TBL1XR1: variants seen among roughly 807,000 people sequenced by gnomAD.
TBL1XR1 encodes TBL1X/Y related 1, also known as F-box-like/WD repeat-containing protein TBL1XR1.
TBL1XR1 carries 5 observed loss-of-function variants against 66.9 expected under a neutral mutation model. The observed-to-expected ratio is 0.07, with a 90% CI of 0.04 to 0.16. The LOEUF is 0.16. Ranked by LOEUF, TBL1XR1 falls within the 10% of genes least tolerant of loss-of-function variation. The pLI, the probability that TBL1XR1 is intolerant of heterozygous loss-of-function variation, is 1.00. For synonymous variants in TBL1XR1, 210 were observed against 206.0 expected (o/e 1.02, Z -0.17); for missense variants, 238 against 623.2 (o/e 0.38, Z 6.58).
At chr3:177,163,657 T>G (rs7613164) in intron 1 of TBL1XR1, among the ~76,000 whole-genome samples, 75,749 of 151,990 alleles carry the variant, frequency 0.5, 19,709 homozygotes, top group Non-Finnish European at 0.57. Flanking sequence ...TACACTTAAT[T>G]ACTTTTATAT....
At chr3:177,163,894 G>C (rs1369495151) in intron 1 of TBL1XR1, 1 of 152,086 alleles carries the variant, frequency 6.6e-6, no homozygotes. Flanking sequence ...TGTATCAATA[G>C]TTTAGATTTA....
chr3:177,085,166 C>A (rs1248330313), intron 2 of TBL1XR1, among the ~76,000 whole-genome samples: 1 of 152,172 alleles, frequency 6.6e-6, no homozygotes, highest in Non-Finnish European at 1.5e-5. Context: ...TTCCTATGAA[C>A]CAACACAAGT....
chr3:177,033,117 C>A lies in TBL1XR1; in HGVS notation c.1270G>T (p.Val424Phe). Residue 424 changes from valine to phenylalanine, a missense_variant, in exon 14 of 16, where the codon GTT (valine) becomes TTT (phenylalanine). Val to Phe is a conservative substitution (Grantham distance 50). This residue lies in a region of TBL1XR1 where 89 missense variants were observed against 220.2 expected (regional missense o/e 0.40). Coordinates refer to ENST00000457928, the MANE Select transcript of TBL1XR1 (RefSeq NM_024665.7). The stretch of plus-strand genomic sequence containing the variant: ...CCTCGGTCTACATCCCATAACCTAA[C>A]AGTAGAATCAAAGGATGCACTGAAA... ...MLASASFDST[V>F]RLWDVDRGIC... The A allele has an allele frequency of 6.4e-7, 1 of 1,555,310 alleles. No homozygotes were observed. The highest frequency in any genetic ancestry group is 8.7e-7 in the Non-Finnish European group (1 of 1,149,684).
At chr3:177,127,065 A>G (rs1290382377) in intron 1 of TBL1XR1, among the ~76,000 whole-genome samples, 1 of 152,200 alleles carries the variant, frequency 6.6e-6, no homozygotes, top group Non-Finnish European at 1.5e-5. Context: ...ATTGTTTTAA[A>G]GAGTAATCTG....
At chr3:177,050,202 AT>A in intron 6 of TBL1XR1, 64 bp from the exon 7 acceptor site, 1 of 1,541,384 alleles carries the variant, frequency 6.5e-7, no homozygotes. Flanking sequence ...ACAAGGCAAC[AT>A]ATTTACATCT....
At position 177,061,995 on chromosome 3, in the gene TBL1XR1, C is replaced by A. The variant is rs558638961; in HGVS notation, c.58+2925G>T. Among the ~76,000 whole-genome samples, 8 of 152,332 alleles carry A rather than the reference C, an allele frequency of 5.3e-5. No individual in the cohort carries two copies. In the South Asian group the frequency reaches 1.7e-3, roughly 32 times the overall value. On this transcript the variant is annotated intron_variant, in intron 3 of 15. Transcript: ENST00000457928. ...TTATGAGTGAGATTCTGAGTTCTAT[C>A]TGAACCCTGTCCTGAGTTCACAGAA...
chr3:177,024,031 AATATCT>A lies in TBL1XR1; in HGVS notation c.*1461_*1466del, dbSNP rs1240911556. The A allele has an allele frequency of 2.0e-5, 3 of 151,994 alleles. No homozygotes were observed. The highest frequency in any genetic ancestry group is 2.9e-5 in the Non-Finnish European group (2 of 67,914). The allele number at this position is 151,994 out of a possible 1,614,324, so 9.4% of individuals were successfully genotyped here. A position where few individuals can be genotyped will look rare whatever the true frequency, so the allele number is the denominator to read the frequency against. On this transcript the variant is annotated 3_prime_UTR_variant, in exon 16 of 16. Coordinates refer to ENST00000457928, the MANE Select transcript of TBL1XR1 (RefSeq NM_024665.7). ...TCTAAGTTGCATGAGCACAAGGTTT[AATATCT>A]ATATCTTTAAGAAAATACTTGATAT...
upstream of TBL1XR1, among the ~76,000 whole-genome samples, chr3:177,198,694 C>T (rs1737237554): frequency 6.6e-6 from 1 of 152,070 alleles, no homozygotes; most frequent in African/African-American, 2.4e-5. Flanking sequence ...CGACTTGAAA[C>T]CTTTTTGTTA....
At chr3:177,090,516 C>G (rs1350105487) in intron 2 of TBL1XR1, among the ~76,000 whole-genome samples, 1 of 60,644 alleles carries the variant, frequency 1.6e-5, no homozygotes, top group Non-Finnish European at 3.1e-5. Context: ...ACTGTCTCTA[C>G]TAAAAAAAAA....
rs191481518 is a variant in TBL1XR1 at position 177,190,108 on chromosome 3, G to A, written c.-122+7013C>T. Among the ~76,000 whole-genome samples, 431 of 126,046 alleles carry A rather than the reference G, an allele frequency of 3.4e-3. 5 individuals carry two copies. Among genetic ancestry groups the A allele is most frequent in the African/African-American group, 0.013 (410 of 31,872 alleles). The allele number at this position is 126,046 out of a possible 152,430, so 82.7% of individuals were successfully genotyped here. ...AGCATGTGCCATTGCACTCCAGCCC[G>A]GGCAACAAGAGTGAAACTCCATCTC... is the stretch of plus-strand genomic sequence containing the variant. On this transcript the variant is annotated intron_variant, in intron 1 of 15. Coordinates refer to ENST00000457928, the MANE Select transcript of TBL1XR1 (RefSeq NM_024665.7).
chr3:177,089,058 G>A (rs1393470083), intron 2 of TBL1XR1, among the ~76,000 whole-genome samples: 1 of 152,120 alleles, frequency 6.6e-6, no homozygotes, highest in Non-Finnish European at 1.5e-5. Flanking sequence ...ACAACTCCTT[G>A]GGGTCTTGTC....
intron 2 of TBL1XR1, chr3:177,091,173 T>C (rs1722798015): frequency 6.6e-6 from 1 of 152,034 alleles, no homozygotes. Context: ...TACTTAGCTG[T>C]AATCCCACTG....
chr3:177,111,121 G>A (rs1725501784), intron 1 of TBL1XR1, among the ~76,000 whole-genome samples: 1 of 152,016 alleles, frequency 6.6e-6, no homozygotes, highest in South Asian at 2.1e-4. Context: ...TGCAATCCAG[G>A]AGCTATTGTC....
Position 177,026,466 on chromosome 3 carries a change from A to G in TBL1XR1, c.1425T>C (p.Ala475=). The change falls in exon 15 of 16, where the codon GCT becomes GCC. Residue 475 remains alanine (A), a synonymous_variant. Coordinates refer to ENST00000457928, the MANE Select transcript of TBL1XR1 (RefSeq NM_024665.7). ...CVHIWNTQTG[A]LVHSYRGTGG... ...CTGTTCCCCTATAGCTGTGAACTAG[A>G]GCACCTGTCTAAAAGAATGAAAAAC... The G allele has an allele frequency of 1.3e-6, 2 of 1,597,706 alleles. No homozygotes were observed. Among genetic ancestry groups the G allele is most frequent in the Non-Finnish European group, 1.7e-6 (2 of 1,175,422 alleles).
chr3:177,107,756 C>G (rs183527878), intron 1 of TBL1XR1, among the ~76,000 whole-genome samples: 69 of 152,248 alleles, frequency 4.5e-4, no homozygotes, highest in African/African-American at 1.5e-3. Context: ...TATTTCAATA[C>G]AGAAAACTCC....
At chr3:177,192,747 C>CACTT (rs1398331024) in intron 1 of TBL1XR1, among the ~76,000 whole-genome samples, 1 of 152,210 alleles carries the variant, frequency 6.6e-6, no homozygotes, top group Non-Finnish European at 1.5e-5. Context: ...GAGCAACTTA[C>CACTT]ACTTACAGGA....
chr3:177,121,879 A>G (rs893172403), intron 1 of TBL1XR1, among the ~76,000 whole-genome samples: 21 of 152,260 alleles, frequency 1.4e-4, no homozygotes, highest in East Asian at 3.9e-4. Flanking sequence ...GAAACTTCCA[A>G]CTAATAAAAA....
intron 2 of TBL1XR1, among the ~76,000 whole-genome samples, chr3:177,068,148 T>G (rs1244222411): frequency 6.6e-6 from 1 of 152,190 alleles, no homozygotes; most frequent in Non-Finnish European, 1.5e-5. Context: ...AAACAGGATA[T>G]TCAAAATAGA....
intron 2 of TBL1XR1, among the ~76,000 whole-genome samples, chr3:177,070,664 C>T (rs1181527960): frequency 2.0e-5 from 3 of 152,086 alleles, no homozygotes; most frequent in Non-Finnish European, 4.4e-5. Context: ...GCCTGGCCAA[C>T]GTGGCGAAAC....
Sources: gnomAD v4.1 joint callset for allele counts (sites outside exome capture counted in the v4.1 genomes callset) on GRCh38, gnomAD v4.1.1 for gene constraint, gnomAD v4.1.1 regional missense constraint, MANE v1.5 for transcripts, NCBI Gene and HGNC (gene_info 2026-07-23, HGNC 2026-07-21) for gene names.